Variants in RAPGEF1 observed in about 807,000 individuals in gnomAD.
RAPGEF1 encodes the protein CRK SH3-binding GNRP.
RAPGEF1 carries 33 observed loss-of-function variants against 143.3 expected under a neutral mutation model. That is an observed-to-expected ratio of 0.23 (90% CI 0.17 to 0.31). The LOEUF is 0.31. Ranked by LOEUF, RAPGEF1 falls within the 10% of genes least tolerant of loss-of-function variation. The pLI, the probability that RAPGEF1 is intolerant of heterozygous loss-of-function variation, is 1.00. For synonymous variants in RAPGEF1, 629 were observed against 676.5 expected (o/e 0.93, Z 1.09); for missense variants, 1,199 against 1,645.4 (o/e 0.73, Z 4.69).
At chr9:131,630,186 CTT>C in intron 6 of RAPGEF1, 48 bp downstream of exon 6, 1 of 1,567,270 alleles carries the variant, frequency 6.4e-7, no homozygotes, top group Non-Finnish European at 8.8e-7. Context: ...CAAGTGCAGA[CTT>C]TGCCACTGAG....
chr9:131,596,561 T>C (rs1456840557), intron 16 of RAPGEF1, among the ~76,000 whole-genome samples, 188 bp from the exon 17 acceptor site: 1 of 152,236 alleles, frequency 6.6e-6, no homozygotes, highest in African/African-American at 2.4e-5. Flanking sequence ...CAGACTCACC[T>C]TGTGCTTGGT....
rs748986159 is a variant in RAPGEF1, at chr9:131,603,945, G to A, written c.2412+16C>T. 9.2e-6 allele frequency: 12 copies of A among 1,299,472 alleles called. No individual in the cohort carries two copies. The highest frequency in any genetic ancestry group is 3.0e-5 in the African/African-American group (2 of 65,974). The allele number at this position is 1,299,472 out of a possible 1,614,324, so 80.5% of individuals were successfully genotyped here. A position where few individuals can be genotyped will look rare whatever the true frequency, so the allele number is the denominator to read the frequency against. On this transcript the variant is annotated intron_variant, in intron 14 of 26. Transcript: ENST00000683357. ...CAGGCCAGGCCACATGCAGGAGGCC[G>A]CCCGAGGTTACTTACTCCTCGAGAG...
At position 131,584,700 on chromosome 9, in the gene RAPGEF1, A is replaced by T; in HGVS notation, c.3234-104T>A. On this transcript the variant is annotated intron_variant, in intron 22 of 26. Transcript: ENST00000683357. The surrounding 1 kb of genome is among the most constrained non-coding windows in gnomAD (Gnocchi z 6.8). The stretch of plus-strand genomic sequence containing the variant: ...CTGTACGACCCCCATGCCAGTGGCC[A>T]CGAGCCCACCCCTACTGAATACCTG... 2 of 1,092,974 alleles carry T rather than the reference A, an allele frequency of 1.8e-6. No homozygotes were observed. The highest frequency in any genetic ancestry group is 3.8e-5 in the Admixed American group (2 of 52,786). The allele number at this position is 1,092,974 out of a possible 1,614,324, so 67.7% of individuals were successfully genotyped here. A position where few individuals can be genotyped will look rare whatever the true frequency, so the allele number is the denominator to read the frequency against.
At chr9:131,587,576 C>T (rs1469793126) in intron 22 of RAPGEF1, among the ~76,000 whole-genome samples, 160 bp downstream of exon 22, 7 of 152,216 alleles carry the variant, frequency 4.6e-5, no homozygotes, top group African/African-American at 1.7e-4. Context: ...CTGCCCCTGT[C>T]CTCAGCCTGT....
intron 17 of RAPGEF1, among the ~76,000 whole-genome samples, chr9:131,593,442 G>T (rs1954706480): frequency 6.6e-6 from 1 of 152,234 alleles, no homozygotes; most frequent in Admixed American, 6.5e-5. Flanking sequence ...GGCCCAAGGA[G>T]GCTCCGCAGC....
chr9:131,654,742 T>C (rs565321078), intron 1 of RAPGEF1, among the ~76,000 whole-genome samples: 13 of 152,308 alleles, frequency 8.5e-5, no homozygotes, highest in East Asian at 1.9e-4. Context: ...CCTGTCTTGT[T>C]CATGCCTGTT....
At chr9:131,737,308 C>T (rs1329670093) in intron 1 of RAPGEF1, 11 of 1,586,414 alleles carry the variant, frequency 6.9e-6, no homozygotes, top group South Asian at 6.6e-5. Flanking sequence ...CCTGTCTCCA[C>T]CAGGTATATA....
intron 1 of RAPGEF1, chr9:131,737,629 G>A (rs897501396): frequency 3.3e-5 from 47 of 1,428,870 alleles, no homozygotes; most frequent in South Asian, 5.8e-5. Flanking sequence ...CATTCCCAGC[G>A]GTTTGGGCAG....
intron 12 of RAPGEF1, among the ~76,000 whole-genome samples, chr9:131,614,883 A>G (rs1473766821): frequency 2.0e-5 from 3 of 151,078 alleles, no homozygotes; most frequent in African/African-American, 7.3e-5. Context: ...GCATTTCAAT[A>G]TAACTTCTAC....
At chr9:131,596,447 C>A (rs1955304872) in intron 16 of RAPGEF1, 74 bp from the exon 17 acceptor site, 7 of 1,469,604 alleles carry the variant, frequency 4.8e-6, no homozygotes, top group Middle Eastern at 1.7e-4. Flanking sequence ...AAGAAACAGG[C>A]AGGAATGAGA....
At chr9:131,581,033 T>G (rs2132075415) in intron 25 of RAPGEF1, among the ~76,000 whole-genome samples, 1 of 151,794 alleles carries the variant, frequency 6.6e-6, no homozygotes, top group East Asian at 1.9e-4. Context: ...TCATCCCAAC[T>G]CGGGAGGCTG....
chr9:131,733,373 G>GC (rs1837211958), intron 1 of RAPGEF1, among the ~76,000 whole-genome samples: 1 of 131,052 alleles, frequency 7.6e-6, no homozygotes, highest in Admixed American at 7.7e-5. Flanking sequence ...GGCGGGGGGG[G>GC]GGGTGGTGCG....
chr9:131,665,366 G>T (rs568788932), intron 1 of RAPGEF1, among the ~76,000 whole-genome samples: 1 of 152,188 alleles, frequency 6.6e-6, no homozygotes, highest in East Asian at 1.9e-4. Context: ...GGCAAATCCT[G>T]TGAGTTCTAC....
At chr9:131,630,411 G>A in intron 5 of RAPGEF1, 87 bp from the exon 6 acceptor site, 1 of 1,284,246 alleles carries the variant, frequency 7.8e-7, no homozygotes, top group Non-Finnish European at 1.1e-6. Context: ...TCTGTCCTCT[G>A]CTGCTGAGTC....
At chr9:131,734,832 CA>C (rs1298350545) in intron 1 of RAPGEF1, among the ~76,000 whole-genome samples, 1 of 152,170 alleles carries the variant, frequency 6.6e-6, no homozygotes, top group African/African-American at 2.4e-5. Flanking sequence ...ACAATAAAAG[CA>C]TCTTCACACA....
At position 131,652,115 on chromosome 9, in the gene RAPGEF1, A is replaced by G. The variant is rs1279466817; in HGVS notation, c.62-1166T>C. Among the ~76,000 whole-genome samples, 5 of 152,360 alleles carry G rather than the reference A, an allele frequency of 3.3e-5. No homozygotes were observed. The East Asian group carries it at 9.6e-4, about 29-fold the overall frequency. On this transcript the variant is annotated intron_variant, in intron 1 of 26. Coordinates refer to ENST00000683357, the MANE Select transcript of RAPGEF1 (RefSeq NM_001377935.1). Reference sequence around the variant, plus strand: ...GTGAAGGTCTAGGACACTCCTGTACACCAGGGTAAACTTTATAACCATGGC... The same window carrying G: ...GTGAAGGTCTAGGACACTCCTGTACGCCAGGGTAAACTTTATAACCATGGC...
chr9:131,635,717 G>A (rs778211414), intron 5 of RAPGEF1, among the ~76,000 whole-genome samples: 3 of 151,920 alleles, frequency 2.0e-5, no homozygotes, highest in Admixed American at 2.0e-4. Context: ...GCAGCTCAGG[G>A]TGTCATGGTG....
intron 12 of RAPGEF1, among the ~76,000 whole-genome samples, chr9:131,608,869 T>C (rs528658278): frequency 1.3e-5 from 2 of 152,242 alleles, no homozygotes; most frequent in East Asian, 3.9e-4. Context: ...TGATCACGCT[T>C]ACCCACAGGG....
chr9:131,650,057 C>T lies in RAPGEF1; in HGVS notation c.315+72G>A. 1 of 1,286,648 alleles carries T rather than the reference C, an allele frequency of 7.8e-7. No homozygotes were observed. The highest frequency in any genetic ancestry group is 1.5e-5 in the African/African-American group (1 of 67,178). The allele number at this position is 1,286,648 out of a possible 1,614,324, so 79.7% of individuals were successfully genotyped here. Reference sequence around the variant, plus strand: ...AATAGTGCAATAGAGTTTTTTCCATCCCCAAAACCATGGACCAGGATTCTG... The same window carrying T: ...AATAGTGCAATAGAGTTTTTTCCATTCCCAAAACCATGGACCAGGATTCTG... On this transcript the variant is annotated intron_variant, in intron 3 of 26. Coordinates refer to ENST00000683357, the MANE Select transcript of RAPGEF1 (RefSeq NM_001377935.1). This position sits in a 1 kb window ranked among gnomAD's most constrained non-coding sequence, Gnocchi z 4.7.
Sources: allele counts gnomAD v4.1 joint callset (sites outside exome capture counted in the v4.1 genomes callset), GRCh38; gene constraint gnomAD v4.1.1; non-coding constraint Gnocchi (gnomAD v3.1); transcripts MANE v1.5; gene names NCBI Gene and HGNC (gene_info 2026-07-23, HGNC 2026-07-21).